DDX42: variants seen among roughly 807,000 people sequenced by gnomAD.
DDX42 encodes DEAD-box helicase 42.
DDX42 carries 22 observed loss-of-function variants against 101.5 expected under a neutral mutation model. The ratio of observed to expected loss-of-function variants is 0.22; its 90% CI spans 0.15 to 0.31. DDX42 has a LOEUF of 0.31. DDX42 is among the 10% of genes least tolerant of loss of function. The pLI, the probability that DDX42 is intolerant of heterozygous loss-of-function variation, is 1.00. For synonymous variants in DDX42, 402 were observed against 401.2 expected (o/e 1.00, Z -0.02); for missense variants, 849 against 1,199.9 (o/e 0.71, Z 4.32).
chr17:63,816,735 C>A (rs976043921), intron 16 of DDX42, 133 bp from the exon 17 acceptor site: 5 of 539,036 alleles, frequency 9.3e-6, no homozygotes, highest in Non-Finnish European at 1.6e-5. Context: ...TCTCACAAAG[C>A]AGTAGCAGCT....
rs141623904 is a variant in DDX42, at chr17:63,784,861, T to G, written c.-16-2173T>G. Among the ~76,000 whole-genome samples, 87 of 152,324 alleles carry G rather than the reference T, an allele frequency of 5.7e-4. No homozygotes were observed. The East Asian group carries it at 0.015, about 26-fold the overall frequency. ...GTTCCTAAGGAAATAATTGAAGGTA[T>G]GCACAAAGATGTAGCTATAATGATG... On this transcript the variant is annotated intron_variant, in intron 1 of 17. Transcript: ENST00000389924.
chr17:63,816,803 C>T (rs1029758118), intron 16 of DDX42, 65 bp from the exon 17 acceptor site: 2 of 1,314,918 alleles, frequency 1.5e-6, no homozygotes, highest in African/African-American at 1.5e-5. Context: ...ATAATGAGGC[C>T]TAGTCTATAG....
chr17:63,794,327 C>T (rs1394982912), intron 3 of DDX42, among the ~76,000 whole-genome samples: 2 of 151,194 alleles, frequency 1.3e-5, no homozygotes, highest in Non-Finnish European at 1.5e-5. Flanking sequence ...GAGGATCCCT[C>T]GAGTCTAGGA....
intron 15 of DDX42, 45 bp from the exon 16 acceptor site, chr17:63,815,518 C>A: frequency 6.9e-7 from 1 of 1,441,046 alleles, no homozygotes; most frequent in Non-Finnish European, 9.7e-7. Context: ...TTCTTCTGTT[C>A]TTTTCTCCCT....
At chr17:63,799,364 T>C in intron 4 of DDX42, 1 of 417,978 alleles carries the variant, frequency 2.4e-6, no homozygotes, top group Non-Finnish European at 4.2e-6. Flanking sequence ...TTTCTAGGGG[T>C]ATCATATCAT....
chr17:63,790,704 G>A (rs1380727182), intron 2 of DDX42, among the ~76,000 whole-genome samples: 1 of 152,198 alleles, frequency 6.6e-6, no homozygotes, highest in Admixed American at 6.5e-5. Flanking sequence ...AGGCTGCACT[G>A]AGTTGAGATC....
chr17:63,802,190 A>G (rs1391071962), intron 6 of DDX42, among the ~76,000 whole-genome samples: 1 of 152,140 alleles, frequency 6.6e-6, no homozygotes, highest in African/African-American at 2.4e-5. Context: ...GTTAAAAAGA[A>G]AAAAAAAGGC....
intron 9 of DDX42, 85 bp from the exon 10 acceptor site, chr17:63,808,735 A>T (rs2039873238): frequency 6.4e-7 from 1 of 1,551,348 alleles, no homozygotes; most frequent in Non-Finnish European, 8.8e-7. Context: ...ATGACATCAC[A>T]TTCTGTTTTT....
At chr17:63,811,333 T>A (rs2584629) in intron 13 of DDX42, 160 bp downstream of exon 13, 481,918 of 503,502 alleles carry the variant, frequency 0.96, 230,804 homozygotes, top group East Asian at 1. Context: ...GGGATAGACG[T>A]AACAAGACTG....
chr17:63,805,255 A>G (rs1437312756), intron 7 of DDX42, 80 bp downstream of exon 7: 18 of 1,514,222 alleles, frequency 1.2e-5, no homozygotes, highest in African/African-American at 4.2e-5. Flanking sequence ...CTAAACTAAT[A>G]ACCTTGAATT....
At chr17:63,814,644 G>A (rs1210015250) in intron 15 of DDX42, among the ~76,000 whole-genome samples, 2 of 140,906 alleles carry the variant, frequency 1.4e-5, no homozygotes, top group African/African-American at 5.2e-5. Flanking sequence ...GTGATTGTCA[G>A]ATAAAACTTT....
At chr17:63,799,741 T>G (rs895539437) in intron 5 of DDX42, 116 bp downstream of exon 5, 10 of 1,028,740 alleles carry the variant, frequency 9.7e-6, no homozygotes, top group South Asian at 9.0e-5. Context: ...GCAGGGAATG[T>G]CATTTGATTT....
chr17:63,813,245 C>T lies in DDX42; in HGVS notation c.1693C>T (p.Pro565Ser). Residue 565 changes from proline to serine, a missense_variant, in exon 15 of 18, where the codon CCT becomes TCT. By Grantham distance (74) the Pro-to-Ser change is moderately conservative (BLOSUM62 -1). Coordinates refer to ENST00000389924, the MANE Select transcript of DDX42 (RefSeq NM_203499.3). ...TATTTCAGCCCGTGGTCTGGACATT[C>T]CTTCAATTAAGACTGTCATTAACTA... The part of the protein sequence containing the change: ...TDVAARGLDI[P>S]SIKTVINYDV... 1 of 1,606,718 alleles carries T rather than the reference C, an allele frequency of 6.2e-7. No homozygotes were observed. Among genetic ancestry groups the T allele is most frequent in the Non-Finnish European group, 8.5e-7 (1 of 1,173,986 alleles).
At chr17:63,779,497 C>T (rs1398838943) in intron 1 of DDX42, among the ~76,000 whole-genome samples, 1 of 152,132 alleles carries the variant, frequency 6.6e-6, no homozygotes, top group African/African-American at 2.4e-5. Context: ...CTCCTGAGCT[C>T]GAGCCATCCT....
At chr17:63,793,877 T>C (rs1012370821) in intron 3 of DDX42, among the ~76,000 whole-genome samples, 1 of 68,376 alleles carries the variant, frequency 1.5e-5, no homozygotes, top group Non-Finnish European at 2.8e-5. Context: ...TATATATATA[T>C]ATAATTTTTT....
intron 1 of DDX42, among the ~76,000 whole-genome samples, chr17:63,779,980 C>T (rs146222446): frequency 0.012 from 1,826 of 152,298 alleles, 16 homozygotes; most frequent in Middle Eastern, 0.024. Flanking sequence ...GGTTCAGTAA[C>T]CATATACACT....
At chr17:63,789,814 C>T (rs1364299245) in intron 2 of DDX42, among the ~76,000 whole-genome samples, 1 of 152,050 alleles carries the variant, frequency 6.6e-6, no homozygotes, top group Non-Finnish European at 1.5e-5. Flanking sequence ...CTCAGGTGAT[C>T]TGCCTGCCTC....
chr17:63,780,769 G>C (rs755401587), intron 1 of DDX42, among the ~76,000 whole-genome samples: 1 of 152,152 alleles, frequency 6.6e-6, no homozygotes, highest in Non-Finnish European at 1.5e-5. Flanking sequence ...GAGTTGATTT[G>C]CTGCTTTTGT....
intron 3 of DDX42, among the ~76,000 whole-genome samples, chr17:63,794,204 G>C (rs1307089603): frequency 6.6e-6 from 1 of 151,998 alleles, no homozygotes; most frequent in Non-Finnish European, 1.5e-5. Flanking sequence ...AGGTTAATTA[G>C]ACCAAAATAT....
Sources: gnomAD v4.1 joint callset for allele counts (sites outside exome capture counted in the v4.1 genomes callset) on GRCh38, gnomAD v4.1.1 for gene constraint, MANE v1.5 for transcripts, NCBI Gene and HGNC (gene_info 2026-07-23, HGNC 2026-07-21) for gene names.